Variants in CTNNA3 observed in about 807,000 individuals in gnomAD.
CTNNA3 encodes the protein catenin alpha 3.
In CTNNA3, 76 loss-of-function variants were observed where a neutral mutation model predicts 95.7. The ratio of observed to expected loss-of-function variants is 0.79; its 90% confidence interval spans 0.66 to 0.96. CTNNA3 has a LOEUF of 0.96. Among genes scored for constraint, CTNNA3 ranks in the 40% least tolerant of loss-of-function variants. The pLI is 0.00. For missense variants in CTNNA3, 1,191 were observed against 1,089.8 expected (o/e 1.09, Z -1.31); for synonymous variants, 431 against 374.4 (o/e 1.15, Z -1.74).
At chr10:66,016,621 T>C (rs967457777) in intron 15 of CTNNA3, among the ~76,000 whole-genome samples, 1 of 152,158 alleles carries the variant, frequency 6.6e-6, no homozygotes, top group African/African-American at 2.4e-5. Flanking sequence ...CCATTGGGAT[T>C]CTTTTTAAAA....
chr10:66,985,163 A>G (rs1850658074), intron 7 of CTNNA3, among the ~76,000 whole-genome samples: 1 of 152,190 alleles, frequency 6.6e-6, no homozygotes, highest in African/African-American at 2.4e-5. Context: ...GGTATTTCCT[A>G]CCACCTTTAT....
At chr10:67,522,616 C>G (rs1190435213) in intron 4 of CTNNA3, among the ~76,000 whole-genome samples, 1 of 151,720 alleles carries the variant, frequency 6.6e-6, no homozygotes, top group Non-Finnish European at 1.5e-5. Context: ...GAGTTATGAT[C>G]AGAAAGAGAG....
intron 1 of CTNNA3, among the ~76,000 whole-genome samples, chr10:67,708,057 C>T (rs564591758): frequency 6.6e-6 from 1 of 152,264 alleles, no homozygotes; most frequent in East Asian, 1.9e-4. Flanking sequence ...TGTTTTCAGT[C>T]TCATTTTAAC....
chr10:66,554,538 C>T lies in CTNNA3; in HGVS notation c.1375-33765G>A, dbSNP rs570095464. On this transcript the variant is annotated intron_variant, in intron 10 of 17. Transcript: ENST00000433211. Reference sequence around the variant, plus strand: ...AGCTGTTACTCTTTCTTTTGCATTCCAGTCCTTTGTATCTTTGCATTTTTT... The same window carrying T: ...AGCTGTTACTCTTTCTTTTGCATTCTAGTCCTTTGTATCTTTGCATTTTTT... Among the ~76,000 whole-genome samples the T allele has an allele frequency of 3.6e-3, 550 of 152,212 alleles. 5 individuals are homozygous for T. The highest frequency in any genetic ancestry group is 0.013 in the African/African-American group (537 of 41,530).
chr10:67,103,615 C>T (rs909099920), intron 7 of CTNNA3, among the ~76,000 whole-genome samples: 1 of 151,642 alleles, frequency 6.6e-6, no homozygotes, highest in Admixed American at 6.6e-5. Flanking sequence ...TTTGCCAAGG[C>T]TCACACAGTG....
chr10:66,289,153 A>T (rs2091637724), intron 12 of CTNNA3, among the ~76,000 whole-genome samples: 1 of 151,632 alleles, frequency 6.6e-6, no homozygotes, highest in Non-Finnish European at 1.5e-5. Flanking sequence ...AAAACTGTTA[A>T]TTAATTTTAA....
chr10:67,039,743 C>G (rs1163711723), intron 7 of CTNNA3, among the ~76,000 whole-genome samples: 1 of 152,088 alleles, frequency 6.6e-6, no homozygotes, highest in Non-Finnish European at 1.5e-5. Context: ...AAAATCGAAA[C>G]AAGCAAGTAG....
At chr10:66,142,429 A>T (rs539683150) in intron 13 of CTNNA3, among the ~76,000 whole-genome samples, 1 of 152,146 alleles carries the variant, frequency 6.6e-6, no homozygotes, top group African/African-American at 2.4e-5. Flanking sequence ...TAAGTCTTGA[A>T]CTCAATGTTG....
At chr10:66,317,181 T>C (rs2092112980) in intron 12 of CTNNA3, among the ~76,000 whole-genome samples, 1 of 152,064 alleles carries the variant, frequency 6.6e-6, no homozygotes, top group Admixed American at 6.6e-5. Context: ...TTAATGCAAG[T>C]TTAATACATT....
chr10:66,692,739 G>C (rs1183183185), intron 9 of CTNNA3, among the ~76,000 whole-genome samples: 1 of 152,158 alleles, frequency 6.6e-6, no homozygotes, highest in Non-Finnish European at 1.5e-5. Context: ...ACAAAGAGAA[G>C]ACCATCAGAC....
chr10:67,189,355 G>C (rs12765242), intron 6 of CTNNA3, among the ~76,000 whole-genome samples: 1 of 151,984 alleles, frequency 6.6e-6, no homozygotes, highest in African/African-American at 2.4e-5. Context: ...CTGGTCAAAA[G>C]ATTCAAAATT....
chr10:67,196,564 G>A (rs969065956), intron 6 of CTNNA3, among the ~76,000 whole-genome samples: 2 of 152,134 alleles, frequency 1.3e-5, no homozygotes, highest in Non-Finnish European at 2.9e-5. Context: ...CCAGAACAGT[G>A]ATAAAAATTT....
chr10:66,991,586 T>C (rs2132936770), intron 7 of CTNNA3, among the ~76,000 whole-genome samples: 1 of 152,276 alleles, frequency 6.6e-6, no homozygotes, highest in Admixed American at 6.5e-5. Context: ...AGTTTCGCTC[T>C]TGTTGCCCAG....
intron 7 of CTNNA3, among the ~76,000 whole-genome samples, chr10:67,144,666 T>C (rs1396840680): frequency 6.6e-6 from 1 of 152,218 alleles, no homozygotes. Context: ...CTTATCTCTC[T>C]CAGTCTTCAC....
At chr10:67,374,179 T>C (rs963152712) in intron 5 of CTNNA3, among the ~76,000 whole-genome samples, 2 of 152,190 alleles carry the variant, frequency 1.3e-5, no homozygotes, top group African/African-American at 4.8e-5. Flanking sequence ...TTGTTGGCCA[T>C]ATGGTCTCTG....
At chr10:66,077,429 C>A (rs58894025) in intron 14 of CTNNA3, among the ~76,000 whole-genome samples, 35,717 of 151,570 alleles carry the variant, frequency 0.24, 4,248 homozygotes, top group Admixed American at 0.26. Context: ...ACATTTGTGA[C>A]CAATAATGCT....
intron 10 of CTNNA3, among the ~76,000 whole-genome samples, chr10:66,523,056 T>C (rs184278303): frequency 6.6e-6 from 1 of 152,264 alleles, no homozygotes; most frequent in Admixed American, 6.5e-5. Context: ...ATATTAAATT[T>C]TAAGGAAACA....
intron 5 of CTNNA3, among the ~76,000 whole-genome samples, chr10:67,324,973 G>T (rs1293792601): frequency 6.6e-6 from 1 of 152,054 alleles, no homozygotes; most frequent in Non-Finnish European, 1.5e-5. Context: ...TTGGGAGGTT[G>T]TATGTGTCTA....
intron 7 of CTNNA3, among the ~76,000 whole-genome samples, chr10:67,091,900 T>G (rs1857666690): frequency 6.6e-6 from 1 of 151,988 alleles, no homozygotes; most frequent in African/African-American, 2.4e-5. Context: ...TTGAAACAAA[T>G]TTAAAGACAA....
Sources: gnomAD v4.1 joint callset for allele counts (sites outside exome capture counted in the v4.1 genomes callset) on GRCh38, gnomAD v4.1.1 for gene constraint, MANE v1.5 for transcripts, NCBI Gene and HGNC (gene_info 2026-07-23, HGNC 2026-07-21) for gene names.